Variants in ADORA1 observed in about 807,000 individuals in gnomAD.
ADORA1 encodes adenosine A1 receptor.
A neutral mutation model predicts 19.9 loss-of-function variants in ADORA1; 6 were observed. The observed-to-expected ratio is 0.30, with a 90% CI of 0.17 to 0.59. The LOEUF is 0.59. Ranked by LOEUF, ADORA1 falls within the 20% of genes least tolerant of loss-of-function variation. The pLI, the probability that ADORA1 is intolerant of heterozygous loss-of-function variation, is 0.87. For missense variants in ADORA1, 302 were observed against 439.2 expected (o/e 0.69, Z 2.79); for synonymous variants, 194 against 188.4 (o/e 1.03, Z -0.24).
At chr1:203,158,379 T>C (rs1403425294) in intron 3 of ADORA1, among the ~76,000 whole-genome samples, 5 of 152,256 alleles carry the variant, frequency 3.3e-5, no homozygotes, top group Admixed American at 3.3e-4. Context: ...TCTTGTTTCT[T>C]GTTTCCATCT....
intron 3 of ADORA1, chr1:203,144,904 C>T (rs1308063558): frequency 1.3e-5 from 2 of 152,192 alleles, no homozygotes; most frequent in African/African-American, 4.8e-5. Context: ...GTGGGAGAGA[C>T]ACCGACTCAC....
intron 3 of ADORA1, among the ~76,000 whole-genome samples, chr1:203,135,325 C>T (rs1215127138): frequency 1.3e-5 from 2 of 152,166 alleles, no homozygotes; most frequent in African/African-American, 4.8e-5. Context: ...AAATGCTTTA[C>T]TGTGTAACAA....
intron 3 of ADORA1, among the ~76,000 whole-genome samples, chr1:203,164,835 ACCTCAGTTT>A (rs1330966746): frequency 6.6e-6 from 1 of 151,930 alleles, no homozygotes; most frequent in East Asian, 1.9e-4. Context: ...ATTACTTTGA[ACCTCAGTTT>A]CCTCATCTGC....
Position 203,146,715 on chromosome 1 carries a change from T to A in ADORA1, c.341+17533T>A, listed in dbSNP as rs189323361. ...ACTGGCCAAGCTAAGAGGTCTGAGA[T>A]TTCTGAGATGGAGAGTGCTGTGGGC... is the stretch of plus-strand genomic sequence containing the variant. On this transcript the variant is annotated intron_variant, in intron 3 of 3. Transcript: ENST00000337894. Among the ~76,000 whole-genome samples, 408 of 152,056 alleles carry A rather than the reference T, an allele frequency of 2.7e-3. 2 individuals are homozygous for A. The highest frequency in any genetic ancestry group is 9.6e-3 in the African/African-American group (397 of 41,438).
chr1:203,136,116 C>T (rs757085303), intron 3 of ADORA1, among the ~76,000 whole-genome samples: 5 of 152,134 alleles, frequency 3.3e-5, no homozygotes, highest in African/African-American at 4.8e-5. Context: ...TGGAGAGACA[C>T]GGCTCCTTGG....
intron 3 of ADORA1, among the ~76,000 whole-genome samples, chr1:203,155,342 A>T (rs1273127606): frequency 6.6e-6 from 1 of 152,176 alleles, no homozygotes; most frequent in Non-Finnish European, 1.5e-5. Context: ...GTGCCCAGAC[A>T]GCTCTTCCTT....
chr1:203,153,324 G>T (rs142404504), intron 3 of ADORA1, among the ~76,000 whole-genome samples: 1 of 152,154 alleles, frequency 6.6e-6, no homozygotes, highest in Non-Finnish European at 1.5e-5. Context: ...CACGTCCAGC[G>T]CTCAGAAAGG....
intron 3 of ADORA1, among the ~76,000 whole-genome samples, chr1:203,147,015 G>A (rs1422875602): frequency 6.6e-5 from 10 of 152,186 alleles, no homozygotes; most frequent in Non-Finnish European, 7.4e-5. Context: ...AGTGCTTCAC[G>A]CAAAGAGCAC....
rs4020534 is a variant in ADORA1, at chr1:203,155,016, T to TTTATTATTA, written c.342-10212_342-10204dup. ...TCTGATGGCATCTGGGCTCTTCCTA[T>TTTATTATTA]TTATTATTATTATTATTATTATTAT... is the stretch of plus-strand genomic sequence containing the variant. On this transcript the variant is annotated intron_variant, in intron 3 of 3. Transcript: ENST00000337894. Among the ~76,000 whole-genome samples, 1,002 of 142,338 alleles carry TTTATTATTA rather than the reference T, an allele frequency of 7.0e-3. 6 individuals are homozygous for TTTATTATTA. The highest frequency in any genetic ancestry group is 0.02 in the East Asian group (94 of 4,780). 93.4% of individuals were successfully genotyped at this position (142,338 alleles called of 152,430 possible).
intron 3 of ADORA1, among the ~76,000 whole-genome samples, chr1:203,130,285 T>C (rs932436740): frequency 6.6e-6 from 1 of 152,346 alleles, no homozygotes; most frequent in East Asian, 1.9e-4. Flanking sequence ...TCAAAGCCTT[T>C]CTTACATGCA....
At chr1:203,132,317 G>C (rs540334704) in intron 3 of ADORA1, among the ~76,000 whole-genome samples, 4 of 152,294 alleles carry the variant, frequency 2.6e-5, no homozygotes, top group African/African-American at 9.6e-5. Context: ...CCGAGGGCTA[G>C]TTGTAGGGAA....
At position 203,161,801 on chromosome 1, in the gene ADORA1, C is replaced by G. The variant is rs1184684793; in HGVS notation, c.342-3460C>G. ...TGTTGGCCAGGCTGGTCTTGAACTC[C>G]CGACCTCAGGTGATCCACCCGCCTC... On this transcript the variant is annotated intron_variant, in intron 3 of 3. Coordinates refer to ENST00000337894, the MANE Select transcript of ADORA1 (RefSeq NM_000674.3). Among the ~76,000 whole-genome samples the G allele has an allele frequency of 4.6e-5, 7 of 152,090 alleles. No individual in the cohort carries two copies. In the East Asian group the frequency reaches 1.3e-3, roughly 29 times the overall value.
At chr1:203,132,123 A>T (rs2102734872) in intron 3 of ADORA1, among the ~76,000 whole-genome samples, 1 of 152,320 alleles carries the variant, frequency 6.6e-6, no homozygotes, top group South Asian at 2.1e-4. Flanking sequence ...TTTTAAGCTC[A>T]AATTGTTGAT....
At chr1:203,137,545 T>C (rs1457300644) in intron 3 of ADORA1, among the ~76,000 whole-genome samples, 7 of 152,180 alleles carry the variant, frequency 4.6e-5, no homozygotes, top group African/African-American at 7.2e-5. Flanking sequence ...AGTTAGGTGC[T>C]ATTGCAGTGA....
At chr1:203,136,000 G>A (rs1654493817) in intron 3 of ADORA1, among the ~76,000 whole-genome samples, 1 of 152,188 alleles carries the variant, frequency 6.6e-6, no homozygotes, top group Admixed American at 6.5e-5. Context: ...TCGGCATCCT[G>A]AGGGTGAGGA....
chr1:203,164,580 C>T (rs950677373), intron 3 of ADORA1, among the ~76,000 whole-genome samples: 8 of 151,836 alleles, frequency 5.3e-5, no homozygotes, highest in African/African-American at 1.9e-4. Context: ...AAGTGCTGCA[C>T]AGTGATTGGA....
Position 203,128,256 on chromosome 1 carries a change from G to A in ADORA1, c.-212-22G>A. 8.4e-7 allele frequency: 1 copy of A among 1,184,602 alleles called. No homozygotes were observed. The highest frequency in any genetic ancestry group is 1.1e-6 in the Non-Finnish European group (1 of 903,000). The allele number at this position is 1,184,602 out of a possible 1,614,324, so 73.4% of individuals were successfully genotyped here. ...AAGCGTCCGGGGCTGAGTCTCTGCC[G>A]TACCATGTGATTGCTTGAAAGGCCG... On this transcript the variant is annotated intron_variant, in intron 1 of 3. Coordinates refer to ENST00000337894, the MANE Select transcript of ADORA1 (RefSeq NM_000674.3). The surrounding 1 kb of genome is among the most constrained non-coding windows in gnomAD (Gnocchi z 5.9).
In ADORA1 at chr1:203,165,075, G is replaced by T. The variant is rs1382304819; in HGVS notation, c.342-186G>T. The T allele has an allele frequency of 6.4e-7, 1 of 1,550,600 alleles. No homozygotes were observed. Among genetic ancestry groups the T allele is most frequent in the East Asian group, 2.4e-5 (1 of 40,920 alleles). On this transcript the variant is annotated intron_variant, in intron 3 of 3. Coordinates refer to ENST00000337894, the MANE Select transcript of ADORA1 (RefSeq NM_000674.3). The surrounding 1 kb of genome is among the most constrained non-coding windows in gnomAD (Gnocchi z 5.9). Reference sequence around the variant, plus strand: ...CTGTAGGAGAATAAGCCAATGCATGGCAAGCACTAAATCTTAGATCCTGAA... The same window carrying T: ...CTGTAGGAGAATAAGCCAATGCATGTCAAGCACTAAATCTTAGATCCTGAA...
intron 3 of ADORA1, among the ~76,000 whole-genome samples, chr1:203,138,550 C>A (rs941116526): frequency 6.6e-6 from 1 of 152,074 alleles, no homozygotes; most frequent in Non-Finnish European, 1.5e-5. Context: ...GACAGTCTAC[C>A]AAGGAGGGTG....
Sources: gnomAD v4.1 joint callset for allele counts (sites outside exome capture counted in the v4.1 genomes callset) on GRCh38, gnomAD v4.1.1 for gene constraint, Gnocchi (gnomAD v3.1) non-coding constraint, MANE v1.5 for transcripts, NCBI Gene and HGNC (gene_info 2026-07-23, HGNC 2026-07-21) for gene names.